Variants in RUFY4 observed in about 807,000 individuals in gnomAD.
RUFY4 encodes the protein RUN and FYVE domain containing 4.
In RUFY4, 73 loss-of-function variants were observed where a neutral mutation model predicts 69.0. The observed-to-expected ratio is 1.06, with a 90% confidence interval of 0.88 to 1.29. RUFY4 has a LOEUF of 1.29. Among genes scored for constraint, RUFY4 ranks in the 50% most tolerant of loss-of-function variants. RUFY4 has a pLI of 0.00. For synonymous variants in RUFY4, 287 were observed against 271.8 expected, an observed-to-expected ratio of 1.06 and a Z score of -0.55; for missense variants, 770 against 705.6, an observed-to-expected ratio of 1.09 and a Z score of -1.03.
intron 3 of RUFY4, among the ~76,000 whole-genome samples, chr2:218,062,343 T>G (rs1415958866): frequency 3.3e-5 from 5 of 149,394 alleles, no homozygotes; most frequent in Admixed American, 3.3e-4. Context: ...GAGGCGGAGC[T>G]TGTAGTGAGC....
chr2:218,088,415 G>T (rs1689943117), intron 9 of RUFY4, among the ~76,000 whole-genome samples: 1 of 150,084 alleles, frequency 6.7e-6, no homozygotes, highest in Non-Finnish European at 1.5e-5. Context: ...CTGTGATCAT[G>T]CTACTGCACT....
At chr2:218,059,221 C>G (rs796211353) in intron 3 of RUFY4, 7 of 152,310 alleles carry the variant, frequency 4.6e-5, no homozygotes, top group African/African-American at 1.7e-4. Context: ...GGTTCTTTGG[C>G]AAAAGTACCT....
intron 2 of RUFY4, among the ~76,000 whole-genome samples, chr2:218,041,496 T>C (rs1213480737): frequency 6.6e-6 from 1 of 151,990 alleles, no homozygotes; most frequent in Non-Finnish European, 1.5e-5. Flanking sequence ...CAACAGCTCA[T>C]GAACTGGGCA....
intron 9 of RUFY4, among the ~76,000 whole-genome samples, chr2:218,085,238 G>A (rs1010076452): frequency 6.6e-6 from 1 of 152,108 alleles, no homozygotes; most frequent in African/African-American, 2.4e-5. Context: ...TAGTTCATCA[G>A]CACTAGTTTC....
At chr2:218,072,244 C>T in intron 2 of RUFY4, 130 bp from the exon 5 acceptor site, 2 of 1,123,204 alleles carry the variant, frequency 1.8e-6, no homozygotes, top group Non-Finnish European at 2.5e-6. Flanking sequence ...AAGGACAGGG[C>T]TGGGTCTGGA....
chr2:218,052,738 T>A lies in RUFY4; in HGVS notation c.-1157-5857T>A, dbSNP rs1402182928. On this transcript the variant is annotated intron_variant and NMD_transcript_variant, in intron 2 of 13. Transcript: ENST00000457754. The stretch of plus-strand genomic sequence containing the variant: ...TAGCAAGACCTCTATCTCACTTTTT[T>A]TTTTTTTAAAAAAAAAAGATAACGT... 2.7e-5 allele frequency among the ~76,000 whole-genome samples: 4 copies of A among 147,492 alleles called. 1 individual carries two copies. In the South Asian group the frequency reaches 8.6e-4, roughly 32 times the overall value.
exon 7 of RUFY4, chr2:218,075,223 A>C: frequency 6.4e-7 from 1 of 1,563,954 alleles, no homozygotes; most frequent in Non-Finnish European, 8.7e-7. Context: ...CAACAAAGGC[A>C]TCTTCCTTTC....
At chr2:218,047,768 C>T (rs927000663) in intron 2 of RUFY4, among the ~76,000 whole-genome samples, 2 of 152,072 alleles carry the variant, frequency 1.3e-5, no homozygotes, top group African/African-American at 2.4e-5. Flanking sequence ...TCTTTAATAA[C>T]GAGCCTAAAG....
chr2:218,081,877 A>G (rs1289414241), intron 8 of RUFY4, among the ~76,000 whole-genome samples: 1 of 152,222 alleles, frequency 6.6e-6, no homozygotes, highest in African/African-American at 2.4e-5. Context: ...CAACATGCTA[A>G]AAGGGGGTGT....
chr2:218,049,511 CTTT>C (rs570156063), intron 2 of RUFY4, among the ~76,000 whole-genome samples: 2 of 142,836 alleles, frequency 1.4e-5, no homozygotes, highest in Admixed American at 7.1e-5. Context: ...TGTTTTAGGT[CTTT>C]TTTTTTTTTT....
At chr2:218,069,128 G>A (rs1376133306), upstream of RUFY4, 2 of 152,352 alleles carry the variant, frequency 1.3e-5, no homozygotes, top group Non-Finnish European at 2.9e-5. Context: ...TCACCATTCT[G>A]CCCCAGCGCC....
At chr2:218,079,759 G>A (rs1436385146) in intron 8 of RUFY4, among the ~76,000 whole-genome samples, 16 of 152,270 alleles carry the variant, frequency 1.1e-4, no homozygotes, top group Admixed American at 1.0e-3. Flanking sequence ...CCTCAACACA[G>A]AGAATAGAAG....
At chr2:218,048,698 G>A (rs534397316) in intron 2 of RUFY4, among the ~76,000 whole-genome samples, 14 of 151,188 alleles carry the variant, frequency 9.3e-5, no homozygotes, top group African/African-American at 3.2e-4. Context: ...TTTTTTAATC[G>A]GTTATCTTTT....
upstream of RUFY4, among the ~76,000 whole-genome samples, chr2:218,065,020 A>T (rs527905304): frequency 6.8e-4 from 103 of 152,148 alleles, 1 homozygote; most frequent in Middle Eastern, 0.02. Flanking sequence ...CAAGTTCTGG[A>T]TTGGGGGTTG....
chr2:218,035,452 C>T (rs2106022569), intron 2 of RUFY4: 1 of 152,370 alleles, frequency 6.6e-6, no homozygotes, highest in South Asian at 2.1e-4. Flanking sequence ...GATGGAGACC[C>T]AGGTCTCTGG....
chr2:218,073,860 G>GA lies in RUFY4; in HGVS notation c.581dup (p.Asn194LysfsTer16), dbSNP rs1212549134. 4 of 1,613,826 alleles carry GA rather than the reference G, an allele frequency of 2.5e-6. No individual in the cohort carries two copies. The highest frequency in any genetic ancestry group is 1.3e-5 in the African/African-American group (1 of 74,918). ...ACCCAAACCCAGGGAAGGAGACCCA[G>GA]AAAAAACAAAGATGCCCCAAAGAAG... On this transcript the variant is annotated frameshift_variant, in exon 6 of 11. Coordinates refer to ENST00000344321, the Ensembl canonical transcript of RUFY4. LOFTEE classifies it high-confidence loss of function.
chr2:218,073,767 C>T (rs755106786), intron 5 of RUFY4, 49 bp from the exon 8 acceptor site: 11 of 1,603,810 alleles, frequency 6.9e-6, no homozygotes, highest in Non-Finnish European at 9.4e-6. Flanking sequence ...GAGGACCAAG[C>T]CCAACACTGA....
At chr2:218,045,769 T>C (rs967013300) in intron 2 of RUFY4, among the ~76,000 whole-genome samples, 17 of 152,180 alleles carry the variant, frequency 1.1e-4, no homozygotes, top group African/African-American at 2.6e-4. Flanking sequence ...TTGGCAAATA[T>C]GTACATAATA....
intron 8 of RUFY4, among the ~76,000 whole-genome samples, chr2:218,079,478 A>T (rs560498716): frequency 3.9e-5 from 6 of 152,180 alleles, no homozygotes; most frequent in Non-Finnish European, 8.8e-5. Context: ...TTGTAGGGAA[A>T]GTTCAGAGCT....
Sources: allele counts gnomAD v4.1 joint callset (sites outside exome capture counted in the v4.1 genomes callset), GRCh38; gene constraint gnomAD v4.1.1; transcripts MANE v1.5; gene names NCBI Gene and HGNC (gene_info 2026-07-23, HGNC 2026-07-21).